Variants in PDE9A observed in about 807,000 individuals in gnomAD.
PDE9A encodes the protein phosphodiesterase 9A.
Under a neutral mutation model 87.4 loss-of-function variants are expected in PDE9A, and 60 were observed. That is an observed-to-expected ratio of 0.69 (90% CI 0.56 to 0.85). The LOEUF is 0.85. Among genes scored for constraint, PDE9A ranks in the 40% least tolerant of loss-of-function variants. The probability of loss-of-function intolerance (pLI) is 0.00; values close to 1 mark genes in which losing one functional copy is unlikely to be tolerated. For missense variants in PDE9A, 665 were observed against 779.0 expected, an observed-to-expected ratio of 0.85 and a Z score of 1.74; for synonymous variants, 272 against 279.4, an observed-to-expected ratio of 0.97 and a Z score of 0.27.
chr21:42,770,284 C>T (rs888904905), intron 17 of PDE9A, among the ~76,000 whole-genome samples: 3 of 152,164 alleles, frequency 2.0e-5, no homozygotes, highest in African/African-American at 7.2e-5. Context: ...TCTGGGCTCA[C>T]AGCCTCACAC....
At chr21:42,761,428 C>T (rs1462949581) in intron 13 of PDE9A, among the ~76,000 whole-genome samples, 1 of 152,216 alleles carries the variant, frequency 6.6e-6, no homozygotes, top group Admixed American at 6.5e-5. Flanking sequence ...AAGGACAGAC[C>T]GTTGCTCCAC....
chr21:42,660,536 G>C lies in PDE9A; in HGVS notation c.69+6653G>C, dbSNP rs2057403885. Among the ~76,000 whole-genome samples, 1 of 151,736 alleles carries C rather than the reference G, an allele frequency of 6.6e-6. No homozygotes were observed. The highest frequency in any genetic ancestry group is 1.5e-5 in the Non-Finnish European group (1 of 67,962). ...CTCTGGGTACCGTGTACACCGCTCG[G>C]GTGACAGTGCACCAGAATCTCAGAA... On this transcript the variant is annotated intron_variant, in intron 1 of 19. Transcript: ENST00000291539. This position sits in a 1 kb window ranked among gnomAD's most constrained non-coding sequence, Gnocchi z 4.7.
intron 2 of PDE9A, among the ~76,000 whole-genome samples, chr21:42,687,624 G>GT (rs1039247307): frequency 2.6e-5 from 4 of 152,058 alleles, no homozygotes; most frequent in Admixed American, 6.5e-5. Flanking sequence ...TTTTACCACA[G>GT]TTTTTTAAAA....
chr21:42,701,308 A>G (rs988259979), intron 4 of PDE9A: 1 of 152,024 alleles, frequency 6.6e-6, no homozygotes, highest in Non-Finnish European at 1.5e-5. Context: ...AAACTCATTT[A>G]TTAGGTCTAG....
chr21:42,728,999 C>CAAA (rs1004336745), intron 4 of PDE9A, among the ~76,000 whole-genome samples: 42 of 94,400 alleles, frequency 4.4e-4, no homozygotes, highest in East Asian at 2.1e-3. Context: ...GACTCAGTCT[C>CAAA]AAAAAAAAAA....
chr21:42,687,147 A>C (rs910834240), intron 2 of PDE9A, among the ~76,000 whole-genome samples: 8 of 152,242 alleles, frequency 5.3e-5, no homozygotes, highest in South Asian at 4.1e-4. Context: ...CTTTGGCTCA[A>C]GGATTAACTT....
intron 1 of PDE9A, among the ~76,000 whole-genome samples, chr21:42,682,374 A>G (rs1293199603): frequency 6.6e-6 from 1 of 152,142 alleles, no homozygotes; most frequent in African/African-American, 2.4e-5. Flanking sequence ...CTTTTTTCCA[A>G]CATAATCTCA....
chr21:42,768,320 TC>T, intron 16 of PDE9A, 28 bp downstream of exon 16: 1 of 1,356,928 alleles, frequency 7.4e-7, no homozygotes, highest in East Asian at 2.3e-5. Flanking sequence ...CAATCAAGCC[TC>T]CAGCCACTCT....
intron 4 of PDE9A, among the ~76,000 whole-genome samples, chr21:42,710,307 G>A (rs930630635): frequency 2.0e-5 from 3 of 151,896 alleles, no homozygotes; most frequent in Non-Finnish European, 4.4e-5. Flanking sequence ...TACTCAGGAG[G>A]CTGAGGCAGG....
rs142381781 is a variant in PDE9A at position 42,697,875 on chromosome 21, T to C, written c.219-1093T>C. Among the ~76,000 whole-genome samples, 632 of 152,164 alleles carry C rather than the reference T, an allele frequency of 4.2e-3. 11 individuals are homozygous for C. Among genetic ancestry groups the C allele is most frequent in the African/African-American group, 0.014 (594 of 41,514 alleles). ...ATTTGGGGTGGGGGTGCCTCAACAT[T>C]CAGACCCCAGCACCATGGGACCACT... On this transcript the variant is annotated intron_variant, in intron 3 of 19. Transcript: ENST00000291539.
At position 42,696,547 on chromosome 21, in the gene PDE9A, C is replaced by A. The variant is rs902401609; in HGVS notation, c.219-2421C>A. Among the ~76,000 whole-genome samples, 2 of 152,068 alleles carry A rather than the reference C, an allele frequency of 1.3e-5. No homozygotes were observed. The highest frequency in any genetic ancestry group is 4.8e-5 in the African/African-American group (2 of 41,392). On this transcript the variant is annotated intron_variant, in intron 3 of 19. Transcript: ENST00000291539. This position sits in a 1 kb window ranked among gnomAD's most constrained non-coding sequence, Gnocchi z 5.1. ...CTGGCTTTCTCTCCACCCACTGCAC[C>A]ATTTCCAGGGCTGCTCTCATGGTGG...
At chr21:42,770,659 C>T (rs762762615) in intron 17 of PDE9A, 44 bp from the exon 18 acceptor site, 46 of 1,495,166 alleles carry the variant, frequency 3.1e-5, no homozygotes, top group Non-Finnish European at 4.2e-5. Context: ...TTCCCATTGC[C>T]TTAAGAACGA....
Position 42,767,480 on chromosome 21 carries a change from G to A in PDE9A, c.1357-708G>A, listed in dbSNP as rs189040363. On this transcript the variant is annotated intron_variant, in intron 15 of 19. Transcript: ENST00000291539. ...AGGGCGACCACAGCAGGATCCCTTC[G>A]AGGTCCTGCCGAGGTTGGAAGGCAG... Among the ~76,000 whole-genome samples the A allele has an allele frequency of 5.2e-3, 790 of 152,318 alleles. 2 individuals carry two copies. The highest frequency in any genetic ancestry group is 9.2e-3 in the Non-Finnish European group (629 of 68,024).
rs35063941 is a variant in PDE9A, at chr21:42,751,923, A to AT, written c.735+733dup. Among the ~76,000 whole-genome samples, 22 of 151,684 alleles carry AT rather than the reference A, an allele frequency of 1.5e-4. No individual in the cohort carries two copies. In the East Asian group the frequency reaches 4.3e-3, roughly 30 times the overall value. On this transcript the variant is annotated intron_variant, in intron 9 of 19. Transcript: ENST00000291539. ...CACCATGCCCAGTTAATTTTTTTGTATTTTTTTAGTAGAGACAGGGTTTCA... is the reference window on the plus strand; with the variant it reads ...CACCATGCCCAGTTAATTTTTTTGTATTTTTTTTAGTAGAGACAGGGTTTCA...
chr21:42,670,187 A>ACACACATT (rs796465519), intron 1 of PDE9A, among the ~76,000 whole-genome samples: 11,029 of 145,916 alleles, frequency 0.076, 1,305 homozygotes, highest in African/African-American at 0.28. Flanking sequence ...ACATACACTT[A>ACACACATT]CACACATTCA....
intron 4 of PDE9A, among the ~76,000 whole-genome samples, chr21:42,715,883 C>CATTCCCTGGGTTTGGACAAATA (rs1555919700): frequency 1.3e-5 from 2 of 151,824 alleles, no homozygotes; most frequent in East Asian, 1.9e-4. Context: ...AATCGGTTCA[C>CATTCCCTGGGTTTGGACAAATA]TGCCTTCAAA....
At chr21:42,734,025 C>T (rs1011712887) in intron 7 of PDE9A, 1 of 152,120 alleles carries the variant, frequency 6.6e-6, no homozygotes, top group Admixed American at 6.6e-5. Context: ...TCTCTACCCT[C>T]CTGCTTCTCC....
Position 42,760,811 on chromosome 21 carries a change from G to A in PDE9A, c.1003-14G>A, listed in dbSNP as rs1345452979. 4.5e-6 allele frequency: 7 copies of A among 1,564,168 alleles called. No homozygotes were observed. Among genetic ancestry groups the A allele is most frequent in the Non-Finnish European group, 3.5e-6 (4 of 1,134,830 alleles). On this transcript the variant is annotated splice_polypyrimidine_tract_variant and intron_variant, in intron 12 of 19. Transcript: ENST00000291539. The surrounding 1 kb of genome is among the most constrained non-coding windows in gnomAD (Gnocchi z 5.2). ...TGAAGAGAGCAAACACCTACGCCCTGTTTTCCAATCCAGGAGAAGTTCTCA... is the reference window on the plus strand; with the variant it reads ...TGAAGAGAGCAAACACCTACGCCCTATTTTCCAATCCAGGAGAAGTTCTCA...
chr21:42,775,320 C>A lies in PDE9A; in HGVS notation c.*27C>A. Reference sequence around the variant, plus strand: ...GAAAGCGGGGGGCGTGGCTGCAGTTCTGGACGGGCTGGCCGAGCTGCGCGG... The same window carrying A: ...GAAAGCGGGGGGCGTGGCTGCAGTTATGGACGGGCTGGCCGAGCTGCGCGG... On this transcript the variant is annotated 3_prime_UTR_variant, in exon 20 of 20. Transcript: ENST00000291539. The A allele has an allele frequency of 6.2e-7, 1 of 1,607,396 alleles. No individual in the cohort carries two copies. The highest frequency in any genetic ancestry group is 1.7e-4 in the Middle Eastern group (1 of 6,040).
Sources: gnomAD v4.1 joint callset for allele counts (sites outside exome capture counted in the v4.1 genomes callset) on GRCh38, gnomAD v4.1.1 for gene constraint, Gnocchi (gnomAD v3.1) non-coding constraint, MANE v1.5 for transcripts, NCBI Gene and HGNC (gene_info 2026-07-23, HGNC 2026-07-21) for gene names.